NTN5: variants seen among roughly 807,000 people sequenced by gnomAD.
NTN5 encodes the protein netrin-5.
A neutral mutation model predicts 38.7 loss-of-function variants in NTN5; 42 were observed. The ratio of observed to expected loss-of-function variants is 1.08; its 90% CI spans 0.85 to 1.40. The LOEUF (loss-of-function observed/expected upper bound fraction) is 1.40, where lower values mean the gene tolerates loss of function less well. NTN5 is among the 40% of genes most tolerant of loss of function. The pLI is 0.00. For missense variants in NTN5, 658 were observed against 716.5 expected (o/e 0.92, Z 0.93); for synonymous variants, 329 against 303.9 (o/e 1.08, Z -0.86).
Position 48,664,669 on chromosome 19 carries a change from G to A in NTN5, c.730C>T (p.His244Tyr), listed in dbSNP as rs2031648103. The change falls in exon 3 of 7, where the codon CAC (histidine) becomes TAC (tyrosine). Residue 244 changes from histidine (H) to tyrosine (Y), a missense_variant. Transcript: ENST00000270235. The part of the protein sequence containing the change: ...RSGGVCERCR[H>Y]HTAGRHCHYC... ...TGGCAGTGCCGCCCAGCTGTGTGGTGGCGGCACCGCTCACAAACACCCCCA... is the reference window on the plus strand; with the variant it reads ...TGGCAGTGCCGCCCAGCTGTGTGGTAGCGGCACCGCTCACAAACACCCCCA... 8.1e-6 allele frequency: 13 copies of A among 1,612,204 alleles called. No homozygotes were observed. Among genetic ancestry groups the A allele is most frequent in the Non-Finnish European group, 1.1e-5 (13 of 1,179,476 alleles).
Position 48,663,493 on chromosome 19 carries a change from T to C in NTN5, c.1075A>G (p.Ser359Gly). 6.2e-7 allele frequency: 1 copy of C among 1,614,162 alleles called. No individual in the cohort carries two copies. ...CNMSDTRVHM[S>G]LRRYCQQDHV... is the part of the protein sequence containing the mutation. ...TCCTGCTGGCAGTACCTCCGAAGGC[T>C]CATGTGTACCCTGGTGTCCGACATA... Residue 359 changes from serine (S) to glycine (G), a missense_variant, in exon 6 of 7, where the codon AGC (serine) becomes GGC (glycine). Ser to Gly is a moderately conservative substitution (Grantham distance 56). Coordinates refer to ENST00000270235, the MANE Select transcript of NTN5 (RefSeq NM_145807.4).
intron 2 of NTN5, among the ~76,000 whole-genome samples, chr19:48,669,375 C>T (rs796096058): frequency 2.4e-5 from 1 of 42,516 alleles, no homozygotes. Flanking sequence ...ATCACCACCA[C>T]CACCATCACC....
rs760107980 is a variant in NTN5 at position 48,663,512 on chromosome 19, C to T, written c.1056G>A (p.Ser352=). The change falls in exon 6 of 7, where the codon TCG becomes TCA. Residue 352 remains serine (S), a synonymous_variant. Coordinates refer to ENST00000270235, the MANE Select transcript of NTN5 (RefSeq NM_145807.4). ...DPQCQNYCNM[S]DTRVHMSLRR... is the part of the protein sequence containing the mutation. ...GAAGGCTCATGTGTACCCTGGTGTCCGACATATTGCAGTAGTTTTGACACT... is the reference window on the plus strand; with the variant it reads ...GAAGGCTCATGTGTACCCTGGTGTCTGACATATTGCAGTAGTTTTGACACT... The T allele has an allele frequency of 2.8e-5, 45 of 1,614,022 alleles. No homozygotes were observed. Among genetic ancestry groups the T allele is most frequent in the South Asian group, 7.7e-5 (7 of 91,084 alleles).
rs1212762367 is a variant in NTN5, at chr19:48,670,355, C to T, written c.631+1G>A. ...GGGAGAGTGAGGGGCGCAGGACTCA[C>T]GTAGGCAAGGGTGGGGGTGCCGGGG... On this transcript the variant is annotated splice_donor_variant, in intron 2 of 6. Transcript: ENST00000270235. LOFTEE classifies it high-confidence loss of function. 7 of 1,409,554 alleles carry T rather than the reference C, an allele frequency of 5.0e-6. No homozygotes were observed. The highest frequency in any genetic ancestry group is 1.6e-5 in the South Asian group (1 of 62,608). The allele number at this position is 1,409,554 out of a possible 1,614,324, so 87.3% of individuals were successfully genotyped here. A position where few individuals can be genotyped will look rare whatever the true frequency, so the allele number is the denominator to read the frequency against.
In NTN5 at chr19:48,661,643, C is replaced by A; in HGVS notation, c.*34G>T. On this transcript the variant is annotated 3_prime_UTR_variant, in exon 7 of 7. Coordinates refer to ENST00000270235, the MANE Select transcript of NTN5 (RefSeq NM_145807.4). ...TCAGCTCCTAGTCGCTCCCAAATTA[C>A]TTTGTTGGTGCTCGAGGCAGCCCCA... 1 of 1,496,062 alleles carries A rather than the reference C, an allele frequency of 6.7e-7. No homozygotes were observed. Among genetic ancestry groups the A allele is most frequent in the Non-Finnish European group, 8.8e-7 (1 of 1,133,532 alleles). 92.7% of individuals were successfully genotyped at this position (1,496,062 alleles called of 1,614,324 possible). A position where few individuals can be genotyped will look rare whatever the true frequency, so the allele number is the denominator to read the frequency against.
rs752595529 is a variant in NTN5, at chr19:48,661,742, CCTG to C, written c.1402_1404del (p.Gln468del). ...CCGCGGCAGCCTCCGGCGCGCTCCT[CCTG>C]CTGCAGCCGCTTCAGGGGCCGGGCC... is the stretch of plus-strand genomic sequence containing the variant. On this transcript the variant is annotated inframe_deletion, in exon 7 of 7. Transcript: ENST00000270235. The C allele has an allele frequency of 1.6e-5, 25 of 1,528,926 alleles. No homozygotes were observed. Among genetic ancestry groups the C allele is most frequent in the Non-Finnish European group, 2.0e-5 (23 of 1,148,804 alleles). The allele number at this position is 1,528,926 out of a possible 1,614,324, so 94.7% of individuals were successfully genotyped here. A position where few individuals can be genotyped will look rare whatever the true frequency, so the allele number is the denominator to read the frequency against.
At chr19:48,670,283 C>T (rs1339491425) in intron 2 of NTN5, 73 bp downstream of exon 2, 2 of 1,334,610 alleles carry the variant, frequency 1.5e-6, no homozygotes, top group Non-Finnish European at 1.9e-6. Context: ...AAGGGAACAT[C>T]CTGCTCCCGT....
At position 48,664,124 on chromosome 19, in the gene NTN5, C is replaced by G. The variant is rs752179474; in HGVS notation, c.970+19G>C. The G allele has an allele frequency of 6.3e-7, 1 of 1,594,326 alleles. No individual in the cohort carries two copies. Among genetic ancestry groups the G allele is most frequent in the African/African-American group, 1.3e-5 (1 of 74,634 alleles). The stretch of plus-strand genomic sequence containing the variant: ...TTCCCGCTCTACTCAGGCTTGTGGC[C>G]TGGCCCCTCAAGACTTACGCTGGCA... On this transcript the variant is annotated intron_variant, in intron 4 of 6. Coordinates refer to ENST00000270235, the MANE Select transcript of NTN5 (RefSeq NM_145807.4).
chr19:48,670,618 G>A lies in NTN5; in HGVS notation c.369C>T (p.Phe123=), dbSNP rs1339978236. The A allele has an allele frequency of 6.3e-7, 1 of 1,599,026 alleles. No individual in the cohort carries two copies. The highest frequency in any genetic ancestry group is 2.3e-5 in the East Asian group (1 of 44,142). Residue 123 remains phenylalanine (F), a synonymous_variant, in exon 2 of 7, where the codon TTC becomes TTT. Transcript: ENST00000270235. ...GALGGPERVT[F]HSTPGPKATV... ...TGGCCTTAGGACCTGGTGTGGAGTG[G>A]AAGGTCACCCTTTCAGGGCCCCCTA...
chr19:48,662,074 G>A, intron 6 of NTN5, 33 bp from the exon 7 acceptor site: 1 of 1,419,300 alleles, frequency 7.0e-7, no homozygotes. Flanking sequence ...CCCAGGTCGT[G>A]GGGAGCTTCC....
intron 2 of NTN5, among the ~76,000 whole-genome samples, chr19:48,669,789 C>T (rs1489902490): frequency 1.0e-4 from 10 of 97,192 alleles, no homozygotes; most frequent in South Asian, 4.0e-4. Context: ...CACACCACCA[C>T]CATCACCATC....
At chr19:48,666,711 G>T (rs1286629146) in intron 2 of NTN5, among the ~76,000 whole-genome samples, 2 of 112,738 alleles carry the variant, frequency 1.8e-5, no homozygotes, top group Non-Finnish European at 3.4e-5. Context: ...TTTGAGACAG[G>T]GTCTCACTCT....
At position 48,663,777 on chromosome 19, in the gene NTN5, A is replaced by C; in HGVS notation, c.1008T>G (p.Pro336=). 6.2e-7 allele frequency: 1 copy of C among 1,614,136 alleles called. No homozygotes were observed. Among genetic ancestry groups the C allele is most frequent in the Admixed American group, 1.7e-5 (1 of 60,018 alleles). Residue 336 remains proline, a synonymous_variant, in exon 5 of 7, where the codon CCT becomes CCG. Coordinates refer to ENST00000270235, the MANE Select transcript of NTN5 (RefSeq NM_145807.4). The stretch of plus-strand genomic sequence containing the variant: ...CTGTCTTACCAGAGCTATAAGCACC[A>C]GGAGTAGTGGCAAGGGTGGTTGTTG... ...PEATTTLATT[P]GAYSSDPQCQ...
chr19:48,671,780 G>A (rs1313025831), intron 1 of NTN5, among the ~76,000 whole-genome samples: 5 of 152,114 alleles, frequency 3.3e-5, no homozygotes, highest in Non-Finnish European at 5.9e-5. Context: ...GGGCACGGAA[G>A]GGGATTATCA....
At chr19:48,669,588 C>T (rs1314845769) in intron 2 of NTN5, among the ~76,000 whole-genome samples, 6 of 9,624 alleles carry the variant, frequency 6.2e-4, no homozygotes, top group Admixed American at 1.1e-3. Context: ...ACCACCACGA[C>T]CACCATCACC....
Position 48,670,949 on chromosome 19 carries a change from TG to T in NTN5, c.37del (p.Gln13ArgfsTer21). The T allele has an allele frequency of 6.4e-7, 1 of 1,561,246 alleles. No homozygotes were observed. The highest frequency in any genetic ancestry group is 8.7e-7 in the Non-Finnish European group (1 of 1,152,572). ...ATCGTAGCATGGGTCCGCAGTGGCCTGGCCCAGGAGGAGCAGGAGGGCAAAG... is the reference window on the plus strand; with the variant it reads ...ATCGTAGCATGGGTCCGCAGTGGCCTGCCCAGGAGGAGCAGGAGGGCAAAG... Reference protein sequence around the residue: ...VTFALLLLLGQATADPCYDPQ... With the variant: ...VTFALLLLLGXATADPCYDPQ... On this transcript the variant is annotated frameshift_variant, in exon 2 of 7. Transcript: ENST00000270235. LOFTEE classifies it high-confidence loss of function.
chr19:48,664,802 C>T (rs1343537463), intron 2 of NTN5, 35 bp from the exon 3 acceptor site: 8 of 1,485,628 alleles, frequency 5.4e-6, no homozygotes, highest in African/African-American at 1.4e-5. Context: ...GCATCAGGGC[C>T]GAGTGTGCTG....
Position 48,661,822 on chromosome 19 carries a change from G to A in NTN5, c.1325C>T (p.Thr442Met), listed in dbSNP as rs1206639974. The change falls in exon 7 of 7, where the codon ACG (threonine) becomes ATG (methionine). Residue 442 changes from threonine to methionine, a missense_variant. By Grantham distance (81) the Thr-to-Met change is moderately conservative (BLOSUM62 -1). Transcript: ENST00000270235. Reference protein sequence around the residue: ...LGSAVGDPDPTRLILDRHGLA... With the variant: ...LGSAVGDPDPMRLILDRHGLA... ...GCCGTGGCGGTCGAGGATGAGGCGC[G>A]TGGGGTCGGGGTCGCCCACGGCGCT... 1.5e-6 allele frequency: 2 copies of A among 1,339,122 alleles called. No individual in the cohort carries two copies. The highest frequency in any genetic ancestry group is 1.9e-6 in the Non-Finnish European group (2 of 1,051,024). The allele number at this position is 1,339,122 out of a possible 1,614,324, so 83.0% of individuals were successfully genotyped here. A position where few individuals can be genotyped will look rare whatever the true frequency, so the allele number is the denominator to read the frequency against.
At chr19:48,667,749 G>A (rs975917942) in intron 2 of NTN5, among the ~76,000 whole-genome samples, 2 of 152,118 alleles carry the variant, frequency 1.3e-5, no homozygotes, top group African/African-American at 4.8e-5. Context: ...CCAGCTACTC[G>A]GGAGGCTGAG....
Sources: gnomAD v4.1 joint callset for allele counts (sites outside exome capture counted in the v4.1 genomes callset) on GRCh38, gnomAD v4.1.1 for gene constraint, MANE v1.5 for transcripts, NCBI Gene and HGNC (gene_info 2026-07-23, HGNC 2026-07-21) for gene names.